Variants in SMAD3 observed in about 807,000 individuals in gnomAD.
SMAD3 encodes SMAD family member 3.
In SMAD3, 12 loss-of-function variants were observed where a neutral mutation model predicts 51.8. The ratio of observed to expected loss-of-function variants is 0.23; its 90% CI spans 0.15 to 0.38. The LOEUF (loss-of-function observed/expected upper bound fraction) is 0.38. SMAD3 is among the 10% of genes least tolerant of loss of function. The probability of loss-of-function intolerance (pLI) is 1.00; values close to 1 mark genes in which losing one functional copy is unlikely to be tolerated. For synonymous variants in SMAD3, 238 were observed against 227.7 expected (o/e 1.05, Z -0.41); for missense variants, 294 against 565.6 (o/e 0.52, Z 4.87).
At chr15:67,115,800 T>C (rs1338359334) in intron 1 of SMAD3, among the ~76,000 whole-genome samples, 1 of 152,176 alleles carries the variant, frequency 6.6e-6, no homozygotes, top group African/African-American at 2.4e-5. Flanking sequence ...CTCACAAGGG[T>C]AACACTGCAA....
intron 1 of SMAD3, among the ~76,000 whole-genome samples, chr15:67,086,906 T>C (rs1314165911): frequency 6.6e-6 from 1 of 151,756 alleles, no homozygotes; most frequent in African/African-American, 2.4e-5. Context: ...TTTTTTTTTT[T>C]TTTTCTGAGA....
chr15:67,106,303 A>T (rs1187643675), intron 1 of SMAD3, among the ~76,000 whole-genome samples: 1 of 152,166 alleles, frequency 6.6e-6, no homozygotes, highest in Non-Finnish European at 1.5e-5. Context: ...AAGGGTTCAA[A>T]TCTCAACCTC....
chr15:67,130,953 G>T (rs1356013447), intron 1 of SMAD3, among the ~76,000 whole-genome samples: 1 of 152,212 alleles, frequency 6.6e-6, no homozygotes, highest in Non-Finnish European at 1.5e-5. Context: ...GATCTTGGCT[G>T]TGTTCTACCT....
At chr15:67,084,053 A>C (rs891193503) in intron 1 of SMAD3, among the ~76,000 whole-genome samples, 1 of 146,524 alleles carries the variant, frequency 6.8e-6, no homozygotes, top group African/African-American at 2.5e-5. Context: ...ATCCGTTCTC[A>C]GATTTTCTTT....
chr15:67,142,763 A>G (rs1029031091), intron 1 of SMAD3: 3 of 413,412 alleles, frequency 7.3e-6, no homozygotes, highest in African/African-American at 6.2e-5. Context: ...ATTGATCTCA[A>G]CATTTCAAGG....
At chr15:67,150,446 C>A (rs1379336912) in intron 1 of SMAD3, among the ~76,000 whole-genome samples, 1 of 151,982 alleles carries the variant, frequency 6.6e-6, no homozygotes. Flanking sequence ...ACTTGTTTTA[C>A]CCCAAAAGTC....
At position 67,192,861 on chromosome 15, in the gene SMAD3, T is replaced by A. The variant is rs950508018; in HGVS notation, c.*2325T>A. The A allele has an allele frequency of 4.3e-6, 1 of 233,286 alleles. No homozygotes were observed. The highest frequency in any genetic ancestry group is 2.2e-5 in the African/African-American group (1 of 45,360). 14.5% of individuals were successfully genotyped at this position (233,286 alleles called of 1,614,324 possible). A position where few individuals can be genotyped will look rare whatever the true frequency, so the allele number is the denominator to read the frequency against. ...GATGGTGTCTTAGAACCCTCATTGC[T>A]CAGACCTGAAGGCTACTTCTAGGAG... On this transcript the variant is annotated 3_prime_UTR_variant, in exon 9 of 9. Transcript: ENST00000327367.
intron 1 of SMAD3, among the ~76,000 whole-genome samples, chr15:67,102,381 A>G (rs1203514596): frequency 6.6e-6 from 1 of 152,122 alleles, no homozygotes; most frequent in Non-Finnish European, 1.5e-5. Flanking sequence ...GAAACTTGTT[A>G]TGTTCATACA....
At chr15:67,179,924 G>T (rs902551783) in intron 5 of SMAD3, among the ~76,000 whole-genome samples, 15 of 151,974 alleles carry the variant, frequency 9.9e-5, no homozygotes, top group East Asian at 7.8e-4. Flanking sequence ...GGACCTCATG[G>T]TCAAGTTGGA....
chr15:67,132,130 G>A (rs1272976248), intron 1 of SMAD3, among the ~76,000 whole-genome samples: 2 of 152,298 alleles, frequency 1.3e-5, no homozygotes, highest in African/African-American at 2.4e-5. Context: ...GTGTCTTGGA[G>A]GATAACTAGC....
rs761230207 is a variant in SMAD3, at chr15:67,066,161, T to A, written c.7T>A (p.Ser3Thr). The A allele has an allele frequency of 1.9e-6, 3 of 1,597,200 alleles. No homozygotes were observed. The highest frequency in any genetic ancestry group is 1.7e-5 in the Admixed American group (1 of 58,056). Residue 3 changes from serine to threonine, a missense_variant, in exon 1 of 9, where the codon TCC becomes ACC. By Grantham distance (58) the Ser-to-Thr change is moderately conservative. This residue lies in a region of SMAD3 where 147 missense variants were observed against 260.9 expected (regional missense o/e 0.56). Coordinates refer to ENST00000327367, the MANE Select transcript of SMAD3 (RefSeq NM_005902.4). ...CCGCGCGCCCTCCCCAGCCATGTCGTCCATCCTGCCTTTCACTCCCCCGAT... is the reference window on the plus strand; with the variant it reads ...CCGCGCGCCCTCCCCAGCCATGTCGACCATCCTGCCTTTCACTCCCCCGAT... MS[S>T]ILPFTPPIVK...
intron 1 of SMAD3, among the ~76,000 whole-genome samples, chr15:67,095,091 ATGGT>A (rs72145342): frequency 0.051 from 7,733 of 152,190 alleles, 216 homozygotes; most frequent in East Asian, 0.086. Context: ...GAGCTGGTAA[ATGGT>A]TGGTTGGTCC....
chr15:67,103,336 C>T (rs374838966), intron 1 of SMAD3, among the ~76,000 whole-genome samples: 1 of 152,158 alleles, frequency 6.6e-6, no homozygotes, highest in African/African-American at 2.4e-5. Context: ...TCACATCACT[C>T]GACAAGGGGA....
chr15:67,146,470 C>T (rs548794793), intron 1 of SMAD3, among the ~76,000 whole-genome samples: 6 of 152,104 alleles, frequency 3.9e-5, no homozygotes, highest in South Asian at 2.1e-4. Flanking sequence ...CGGCCTAGAG[C>T]GGGTAGTGTG....
At chr15:67,121,134 C>A (rs1268941896) in intron 1 of SMAD3, among the ~76,000 whole-genome samples, 1 of 152,184 alleles carries the variant, frequency 6.6e-6, no homozygotes, top group Non-Finnish European at 1.5e-5. Flanking sequence ...AGGCGGGAGG[C>A]CTGTTTCCTG....
rs1035534598 is a variant in SMAD3, at chr15:67,111,370, A to G, written c.206+45010A>G. Among the ~76,000 whole-genome samples the G allele has an allele frequency of 3.1e-4, 47 of 152,064 alleles. 1 individual carries two copies. The highest frequency in any genetic ancestry group is 6.6e-5 in the Admixed American group (1 of 15,262). ...GTATTCCAGTGTATGGATATACCACATTTTGTTTGTCCTTTCTTCAGTTGA... is the reference window on the plus strand; with the variant it reads ...GTATTCCAGTGTATGGATATACCACGTTTTGTTTGTCCTTTCTTCAGTTGA... On this transcript the variant is annotated intron_variant, in intron 1 of 8. Transcript: ENST00000327367.
intron 5 of SMAD3, among the ~76,000 whole-genome samples, chr15:67,180,744 T>C (rs1350840733): frequency 6.6e-6 from 1 of 151,936 alleles, no homozygotes. Context: ...CTGAAAGCCC[T>C]TTTAGGGGCA....
chr15:67,110,432 G>T (rs1011753047), intron 1 of SMAD3, among the ~76,000 whole-genome samples: 8 of 152,202 alleles, frequency 5.3e-5, no homozygotes, highest in African/African-American at 1.9e-4. Flanking sequence ...AAATAGAAGT[G>T]TATGTATATA....
intron 1 of SMAD3, among the ~76,000 whole-genome samples, chr15:67,125,269 C>G (rs892546562): frequency 6.6e-6 from 1 of 152,238 alleles, no homozygotes; most frequent in African/African-American, 2.4e-5. Flanking sequence ...CTGATCCACC[C>G]GCTTCTTTCT....
Sources: allele counts gnomAD v4.1 joint callset (sites outside exome capture counted in the v4.1 genomes callset), GRCh38; gene constraint gnomAD v4.1.1; regional missense constraint gnomAD v4.1.1; transcripts MANE v1.5; gene names NCBI Gene and HGNC (gene_info 2026-07-23, HGNC 2026-07-21).